Variants in XKR9 observed in about 807,000 individuals in gnomAD.
The protein encoded by XKR9 is XK-related protein 9.
XKR9 carries 32 observed loss-of-function variants against 32.0 expected under a neutral mutation model. The ratio of observed to expected loss-of-function variants is 1.00; its 90% confidence interval spans 0.76 to 1.34. The LOEUF is 1.34. XKR9 is among the 40% of genes most tolerant of loss of function. The probability of loss-of-function intolerance (pLI) is 0.00; values close to 1 mark genes in which losing one functional copy is unlikely to be tolerated. For missense variants in XKR9, 546 were observed against 429.7 expected, an observed-to-expected ratio of 1.27 and a Z score of -2.39; for synonymous variants, 168 against 143.4, an observed-to-expected ratio of 1.17 and a Z score of -1.22.
chr8:70,807,115 C>T, the XKR9 span, among the ~76,000 whole-genome samples: 3 of 152,164 alleles, frequency 2.0e-5, no homozygotes, highest in Non-Finnish European at 4.4e-5. Flanking sequence ...CAATACTCAA[C>T]ATTCTTAAAG....
chr8:70,741,636 T>C (rs1806984693), intron 2 of XKR9, among the ~76,000 whole-genome samples: 1 of 152,208 alleles, frequency 6.6e-6, no homozygotes, highest in South Asian at 2.1e-4. Flanking sequence ...TATCCATTCA[T>C]TCATTGATGA....
the XKR9 span, among the ~76,000 whole-genome samples, chr8:70,831,243 A>T: frequency 6.7e-6 from 1 of 149,698 alleles, no homozygotes. Context: ...GTGAGCCAAG[A>T]TCGTGCCACT....
the XKR9 span, among the ~76,000 whole-genome samples, chr8:71,059,452 AC>A: frequency 6.6e-6 from 1 of 152,138 alleles, no homozygotes; most frequent in Non-Finnish European, 1.5e-5. Flanking sequence ...TTCTTTTTGA[AC>A]CCTGGGAAAA....
chr8:70,959,039 AT>A, the XKR9 span, among the ~76,000 whole-genome samples: 1 of 152,100 alleles, frequency 6.6e-6, no homozygotes, highest in Non-Finnish European at 1.5e-5. Flanking sequence ...ATAGGGTCGA[AT>A]TATCCTTCTT....
chr8:70,771,094 A>G (rs1297167942), intron 2 of XKR9, among the ~76,000 whole-genome samples: 1 of 152,174 alleles, frequency 6.6e-6, no homozygotes, highest in African/African-American at 2.4e-5. Flanking sequence ...CCGTGGGAAA[A>G]GCATAGTATC....
At chr8:70,711,676 C>T (rs1563440967) in intron 4 of XKR9, among the ~76,000 whole-genome samples, 1 of 136,920 alleles carries the variant, frequency 7.3e-6, no homozygotes, top group Non-Finnish European at 1.6e-5. Context: ...GTATTGGGTA[C>T]TAGGCTCACT....
chr8:70,702,692 G>T (rs1805580852), intron 3 of XKR9, among the ~76,000 whole-genome samples: 1 of 151,996 alleles, frequency 6.6e-6, no homozygotes, highest in Non-Finnish European at 1.5e-5. Context: ...TTTATCTCTG[G>T]TAGTATTCCT....
At position 70,696,791 on chromosome 8, in the gene XKR9, G is replaced by C. The variant is rs1197171781; in HGVS notation, c.273-10142G>C. 4.6e-5 allele frequency among the ~76,000 whole-genome samples: 7 copies of C among 151,544 alleles called. No homozygotes were observed. In the South Asian group the frequency reaches 8.4e-4, roughly 18 times the overall value. ...CCTTGGGCAGTATGGCCATTTTCAC[G>C]ATATTGATTCTTCCTATCCATGAGC... On this transcript the variant is annotated intron_variant, in intron 3 of 4. Transcript: ENST00000408926.
chr8:70,699,281 T>C (rs1805419375), intron 3 of XKR9, among the ~76,000 whole-genome samples: 2 of 152,214 alleles, frequency 1.3e-5, no homozygotes, highest in African/African-American at 2.4e-5. Flanking sequence ...CTAGCCTCGA[T>C]GGTCTTTACA....
At chr8:71,048,968 A>G in the XKR9 span, among the ~76,000 whole-genome samples, 3 of 152,338 alleles carry the variant, frequency 2.0e-5, no homozygotes, top group East Asian at 3.9e-4. Context: ...GAAGCCAGGT[A>G]CACTCTGAGT....
chr8:70,718,921 A>T (rs1171798504), intron 4 of XKR9, among the ~76,000 whole-genome samples: 1 of 152,186 alleles, frequency 6.6e-6, no homozygotes, highest in Non-Finnish European at 1.5e-5. Context: ...GAACTAATTT[A>T]CACTCCCACC....
the XKR9 span, among the ~76,000 whole-genome samples, chr8:70,844,853 G>T: frequency 6.6e-6 from 1 of 152,154 alleles, no homozygotes; most frequent in African/African-American, 2.4e-5. Context: ...CCCAAGGGAT[G>T]TCCCCCCACT....
intron 2 of XKR9, among the ~76,000 whole-genome samples, chr8:70,752,508 G>T (rs1337622093): frequency 6.6e-6 from 1 of 152,106 alleles, no homozygotes; most frequent in East Asian, 1.9e-4. Flanking sequence ...CCACTCTCAT[G>T]ATAAATAATT....
chr8:70,779,282 T>A (rs941016543), intron 2 of XKR9, among the ~76,000 whole-genome samples: 1 of 152,224 alleles, frequency 6.6e-6, no homozygotes, highest in Non-Finnish European at 1.5e-5. Context: ...GAACCAGCCT[T>A]GCATATCAGG....
Position 70,734,082 on chromosome 8 carries a change from A to G in XKR9, c.780A>G (p.Glu260=). The change falls in exon 5 of 5, where the codon GAA becomes GAG. Residue 260 remains glutamate, a synonymous_variant. Transcript: ENST00000408926. ...NTQFCTCISM[E]FLYRIVVGFI... The stretch of plus-strand genomic sequence containing the variant: ...AGTTTTGTACTTGTATAAGTATGGA[A>G]TTCTTATATAGGATTGTTGTTGGAT... 6.2e-7 allele frequency: 1 copy of G among 1,612,936 alleles called. No homozygotes were observed. The highest frequency in any genetic ancestry group is 8.5e-7 in the Non-Finnish European group (1 of 1,179,196).
chr8:70,989,680 A>AT, the XKR9 span, among the ~76,000 whole-genome samples: 2 of 152,276 alleles, frequency 1.3e-5, no homozygotes, highest in East Asian at 3.9e-4. Context: ...TTGTGGTAAA[A>AT]ATATATATAA....
the XKR9 span, among the ~76,000 whole-genome samples, chr8:71,026,338 G>A: frequency 6.6e-6 from 1 of 152,124 alleles, no homozygotes; most frequent in Non-Finnish European, 1.5e-5. Flanking sequence ...AAATCAATCT[G>A]TTTTTCCATT....
intron 2 of XKR9, among the ~76,000 whole-genome samples, chr8:70,744,821 G>T (rs1337448577): frequency 7.6e-6 from 1 of 132,196 alleles, no homozygotes; most frequent in Non-Finnish European, 1.7e-5. Context: ...GGCCAGGCTG[G>T]TCTTAAACTC....
chr8:70,778,556 G>A (rs973925881), intron 2 of XKR9, among the ~76,000 whole-genome samples: 5 of 152,070 alleles, frequency 3.3e-5, no homozygotes, highest in African/African-American at 1.2e-4. Context: ...CCATTTTCAT[G>A]ATATTGATTC....
Sources: gnomAD v4.1 joint callset for allele counts (sites outside exome capture counted in the v4.1 genomes callset) on GRCh38, gnomAD v4.1.1 for gene constraint, MANE v1.5 for transcripts, NCBI Gene and HGNC (gene_info 2026-07-23, HGNC 2026-07-21) for gene names.